DNAJC15: variants seen among roughly 807,000 people sequenced by gnomAD.
DNAJC15 encodes the protein dnaJ homolog subfamily C member 15.
A neutral mutation model predicts 22.4 loss-of-function variants in DNAJC15; 27 were observed. The observed-to-expected ratio is 1.20, with a 90% CI of 0.89 to 1.66. The LOEUF is 1.66. Ranked by LOEUF, DNAJC15 falls within the 40% of genes most tolerant of loss-of-function variation. DNAJC15 has a pLI of 0.00. For missense variants in DNAJC15, 208 were observed against 187.1 expected, an observed-to-expected ratio of 1.11 and a Z score of -0.65; for synonymous variants, 79 against 63.2, an observed-to-expected ratio of 1.25 and a Z score of -1.19.
intron 1 of DNAJC15, among the ~76,000 whole-genome samples, chr13:43,051,727 A>G (rs780310036): frequency 2.6e-5 from 4 of 151,616 alleles, no homozygotes; most frequent in Non-Finnish European, 5.9e-5. Context: ...TATTTTTGCA[A>G]TTGTGAATTG....
rs544951836 is a variant in DNAJC15, at chr13:43,080,816, C to T, written c.311+2128C>T. Among the ~76,000 whole-genome samples the T allele has an allele frequency of 1.5e-3, 221 of 152,274 alleles. 2 individuals are homozygous for T. The highest frequency in any genetic ancestry group is 9.3e-3 in the South Asian group (45 of 4,820). ...CTCCTGTTTCTTTCCATGTCTGTCACGAACGCAGAAGCTAGATATTTGTCC... is the reference window on the plus strand; with the variant it reads ...CTCCTGTTTCTTTCCATGTCTGTCATGAACGCAGAAGCTAGATATTTGTCC... On this transcript the variant is annotated intron_variant, in intron 4 of 5. Coordinates refer to ENST00000379221, the MANE Select transcript of DNAJC15 (RefSeq NM_013238.3).
intron 2 of DNAJC15, among the ~76,000 whole-genome samples, chr13:43,067,344 T>A (rs2040588950): frequency 6.6e-6 from 1 of 152,250 alleles, no homozygotes; most frequent in Non-Finnish European, 1.5e-5. Context: ...CAAGGTCTTA[T>A]GTCTCAGTTA....
At chr13:43,084,429 C>CTTGCTT (rs1473414197) in intron 4 of DNAJC15, among the ~76,000 whole-genome samples, 1 of 151,836 alleles carries the variant, frequency 6.6e-6, no homozygotes, top group Admixed American at 6.5e-5. Context: ...GACATACTTT[C>CTTGCTT]ACAGCTAATA....
At chr13:43,091,552 T>G (rs2040715209) in intron 5 of DNAJC15, among the ~76,000 whole-genome samples, 1 of 152,258 alleles carries the variant, frequency 6.6e-6, no homozygotes, top group African/African-American at 2.4e-5. Context: ...TGGTAATGTT[T>G]GTAATTGCAT....
intron 1 of DNAJC15, among the ~76,000 whole-genome samples, chr13:43,024,240 T>C (rs2040367900): frequency 6.6e-6 from 1 of 150,940 alleles, no homozygotes; most frequent in Admixed American, 6.6e-5. Flanking sequence ...AAACTCCAAG[T>C]GGTGTATTCA....
At chr13:43,033,993 G>A (rs559259473) in intron 1 of DNAJC15, among the ~76,000 whole-genome samples, 17 of 145,010 alleles carry the variant, frequency 1.2e-4, no homozygotes, top group East Asian at 6.0e-4. Context: ...ATGTTATTGC[G>A]CTCCAGCCTG....
chr13:43,079,307 C>A (rs1308804319), intron 4 of DNAJC15, among the ~76,000 whole-genome samples: 4 of 152,124 alleles, frequency 2.6e-5, no homozygotes, highest in African/African-American at 9.7e-5. Context: ...TACAACAAAT[C>A]TTCTGATGAT....
chr13:43,041,954 G>A (rs115300947), intron 1 of DNAJC15, among the ~76,000 whole-genome samples: 200 of 152,344 alleles, frequency 1.3e-3, no homozygotes, highest in African/African-American at 4.5e-3. Context: ...AAGCTGGGAA[G>A]TAGTCAGGTG....
intron 1 of DNAJC15, 89 bp downstream of exon 1, chr13:43,023,823 T>TACTCG: frequency 8.2e-7 from 1 of 1,218,862 alleles, no homozygotes; most frequent in Non-Finnish European, 1.2e-6. Context: ...TGAACCTTTG[T>TACTCG]ACTCCCCCGC....
At chr13:43,091,081 T>C (rs1285994873) in intron 5 of DNAJC15, among the ~76,000 whole-genome samples, 1 of 152,062 alleles carries the variant, frequency 6.6e-6, no homozygotes, top group African/African-American at 2.4e-5. Context: ...TTATTTTTTT[T>C]ATTTCTTTAT....
At chr13:43,103,458 A>G (rs1218037005) in intron 5 of DNAJC15, among the ~76,000 whole-genome samples, 1 of 152,254 alleles carries the variant, frequency 6.6e-6, no homozygotes, top group African/African-American at 2.4e-5. Context: ...TCTATGGTCT[A>G]ATAGCAGTTG....
chr13:43,050,870 A>G (rs555863147), intron 1 of DNAJC15, among the ~76,000 whole-genome samples: 2 of 152,312 alleles, frequency 1.3e-5, no homozygotes, highest in South Asian at 2.1e-4. Flanking sequence ...TTTAGTGTGG[A>G]TAAGTAAGAT....
chr13:43,078,753 G>A (rs1385163509), intron 4 of DNAJC15, 65 bp downstream of exon 4: 29 of 1,454,678 alleles, frequency 2.0e-5, no homozygotes, highest in Middle Eastern at 1.8e-4. Flanking sequence ...AAGAGAAAAC[G>A]TTACAATAAG....
chr13:43,090,709 C>CTTTT (rs5803165), intron 5 of DNAJC15, among the ~76,000 whole-genome samples: 4 of 139,520 alleles, frequency 2.9e-5, no homozygotes, highest in South Asian at 2.3e-4. Flanking sequence ...TTCTTTCTTT[C>CTTTT]TTTTTTTTTT....
intron 5 of DNAJC15, among the ~76,000 whole-genome samples, chr13:43,096,621 G>A (rs951185757): frequency 6.6e-6 from 1 of 152,198 alleles, no homozygotes; most frequent in African/African-American, 2.4e-5. Context: ...AGACCTTGCT[G>A]TTAGGAATCT....
In DNAJC15 at chr13:43,107,347, A is replaced by G; in HGVS notation, c.*99A>G. ...AAACATGGTCTTCTTAATTTTCTAT[A>G]TGGATTGACCACAGTCTTATCTTCC... On this transcript the variant is annotated 3_prime_UTR_variant, in exon 6 of 6. Coordinates refer to ENST00000379221, the MANE Select transcript of DNAJC15 (RefSeq NM_013238.3). 2.1e-6 allele frequency: 2 copies of G among 971,648 alleles called. No homozygotes were observed. The highest frequency in any genetic ancestry group is 3.0e-5 in the East Asian group (1 of 33,306). The allele number at this position is 971,648 out of a possible 1,614,324, so 60.2% of individuals were successfully genotyped here. A position where few individuals can be genotyped will look rare whatever the true frequency, so the allele number is the denominator to read the frequency against.
chr13:43,041,296 TAA>T (rs1202229403), intron 1 of DNAJC15, among the ~76,000 whole-genome samples: 1 of 152,196 alleles, frequency 6.6e-6, no homozygotes, highest in Non-Finnish European at 1.5e-5. Context: ...AGCATTTGTT[TAA>T]CAAAGCACAT....
At chr13:43,027,483 C>T (rs1021648471) in intron 1 of DNAJC15, among the ~76,000 whole-genome samples, 2 of 152,146 alleles carry the variant, frequency 1.3e-5, no homozygotes, top group African/African-American at 4.8e-5. Flanking sequence ...TATAAACAAT[C>T]CTGATACGTG....
intron 1 of DNAJC15, 119 bp downstream of exon 1, chr13:43,023,853 C>T: frequency 1.0e-6 from 1 of 967,364 alleles, no homozygotes; most frequent in South Asian, 1.6e-5. Context: ...CGGTCTGTGC[C>T]CTAGCGCTCA....
Sources: gnomAD v4.1 joint callset for allele counts (sites outside exome capture counted in the v4.1 genomes callset) on GRCh38, gnomAD v4.1.1 for gene constraint, MANE v1.5 for transcripts, NCBI Gene and HGNC (gene_info 2026-07-23, HGNC 2026-07-21) for gene names.